NOVA2: variants seen among roughly 807,000 people sequenced by gnomAD.
NOVA2 encodes RNA-binding protein Nova-2.
NOVA2 carries 9 observed loss-of-function variants against 22.5 expected under a neutral mutation model. That is an observed-to-expected ratio of 0.40 (90% CI 0.24 to 0.70). The LOEUF (loss-of-function observed/expected upper bound fraction) is 0.70, where lower values mean the gene tolerates loss of function less well. Among genes scored for constraint, NOVA2 ranks in the 30% least tolerant of loss-of-function variants. The probability of loss-of-function intolerance (pLI) is 0.38; values close to 1 mark genes in which losing one functional copy is unlikely to be tolerated. For missense variants in NOVA2, 383 were observed against 682.8 expected (o/e 0.56, Z 4.89); for synonymous variants, 318 against 335.2 (o/e 0.95, Z 0.56).
intron 3 of NOVA2, among the ~76,000 whole-genome samples, chr19:45,949,739 G>GT (rs558656536): frequency 5.0e-3 from 594 of 119,608 alleles, no homozygotes; most frequent in East Asian, 6.9e-3. Context: ...ATCGTAGGTT[G>GT]TTTTTTTTTT....
rs1448640732 is a variant in NOVA2, at chr19:45,936,646, AG to A, written c.*3216del. 4 of 151,750 alleles carry A rather than the reference AG, an allele frequency of 2.6e-5. No homozygotes were observed. Among genetic ancestry groups the A allele is most frequent in the African/African-American group, 9.7e-5 (4 of 41,246 alleles). The allele number at this position is 151,750 out of a possible 1,614,324, so 9.4% of individuals were successfully genotyped here. A position where few individuals can be genotyped will look rare whatever the true frequency, so the allele number is the denominator to read the frequency against. On this transcript the variant is annotated 3_prime_UTR_variant, in exon 4 of 4. Coordinates refer to ENST00000263257, the MANE Select transcript of NOVA2 (RefSeq NM_002516.4). ...GAGGAAGACAGACAAAGACTAAGATAGAGACAGGACAGAAAACAATGGGAAC... is the reference window on the plus strand; with the variant it reads ...GAGGAAGACAGACAAAGACTAAGATAAGACAGGACAGAAAACAATGGGAAC...
chr19:45,961,611 T>G (rs1287927040), intron 1 of NOVA2, among the ~76,000 whole-genome samples: 1 of 152,114 alleles, frequency 6.6e-6, no homozygotes, highest in Non-Finnish European at 1.5e-5. Context: ...CAGGCTTTAT[T>G]CATCATCACA....
Position 45,964,187 on chromosome 19 carries a change from T to C in NOVA2, c.86-3034A>G, listed in dbSNP as rs534782261. 2.0e-3 allele frequency among the ~76,000 whole-genome samples: 289 copies of C among 147,146 alleles called. 1 individual carries two copies. The highest frequency in any genetic ancestry group is 0.016 in the South Asian group (72 of 4,620). Reference sequence around the variant, plus strand: ...TTTTTCTTTTTCTTTTTCTTTTTTTTTTTTTTTTTTTGAGACAATCTCGCT... The same window carrying C: ...TTTTTCTTTTTCTTTTTCTTTTTTTCTTTTTTTTTTTGAGACAATCTCGCT... On this transcript the variant is annotated intron_variant, in intron 1 of 3. Transcript: ENST00000263257.
intron 3 of NOVA2, among the ~76,000 whole-genome samples, chr19:45,943,591 G>A (rs1967793666): frequency 6.6e-6 from 1 of 151,664 alleles, no homozygotes; most frequent in African/African-American, 2.4e-5. Flanking sequence ...GGTGGCACAT[G>A]CCTGTAGTCC....
chr19:45,973,356 G>A lies in NOVA2; in HGVS notation c.-5C>T. On this transcript the variant is annotated 5_prime_UTR_variant, in exon 1 of 4. Coordinates refer to ENST00000263257, the MANE Select transcript of NOVA2 (RefSeq NM_002516.4). The stretch of plus-strand genomic sequence containing the variant: ...ATCCGGGGCCTCGGGCTCCATGGGG[G>A]GGGCCTGGGGCGGCGGCTGCTGCTG... The A allele has an allele frequency of 1.9e-6, 2 of 1,063,220 alleles. No individual in the cohort carries two copies. Among genetic ancestry groups the A allele is most frequent in the Non-Finnish European group, 2.4e-6 (2 of 832,560 alleles). The allele number at this position is 1,063,220 out of a possible 1,614,324, so 65.9% of individuals were successfully genotyped here.
At position 45,940,022 on chromosome 19, in the gene NOVA2, G is replaced by A; in HGVS notation, c.1320C>T (p.Ile440=). The part of the protein sequence containing the change: ...VEYQELTGAR[I]QISKKGEFLP... ...GGAACTCGCCCTTCTTGGAGATCTG[G>A]ATGCGAGCGCCCGTCAGCTCCTGGT... The change falls in exon 4 of 4, where the codon ATC becomes ATT. Residue 440 remains isoleucine (I), a synonymous_variant. Coordinates refer to ENST00000263257, the MANE Select transcript of NOVA2 (RefSeq NM_002516.4). 3 of 1,614,078 alleles carry A rather than the reference G, an allele frequency of 1.9e-6. No individual in the cohort carries two copies. Among genetic ancestry groups the A allele is most frequent in the Non-Finnish European group, 8.5e-7 (1 of 1,179,964 alleles).
Position 45,940,437 on chromosome 19 carries a change from G to T in NOVA2, c.905C>A (p.Ser302Ter). 6.6e-7 allele frequency: 1 copy of T among 1,510,342 alleles called. No homozygotes were observed. Among genetic ancestry groups the T allele is most frequent in the Non-Finnish European group, 8.9e-7 (1 of 1,128,474 alleles). 93.6% of individuals were successfully genotyped at this position (1,510,342 alleles called of 1,614,324 possible). A position where few individuals can be genotyped will look rare whatever the true frequency, so the allele number is the denominator to read the frequency against. Reference protein sequence around the residue: ...NTNSLGLGLNSAAASGVLAAV... With the variant: ...NTNSLGLGLN Reference sequence around the variant, plus strand: ...GGCCAGGACGCCGGAAGCTGCGGCCGAGTTGAGGCCCAGGCCCAGGGAGTT... The same window carrying T: ...GGCCAGGACGCCGGAAGCTGCGGCCTAGTTGAGGCCCAGGCCCAGGGAGTT... The change falls in exon 4 of 4, where the codon TCG (serine) becomes TAG (stop). Residue 302 changes from serine to a stop codon, truncating the protein, a stop_gained. Coordinates refer to ENST00000263257, the MANE Select transcript of NOVA2 (RefSeq NM_002516.4). LOFTEE classifies it low-confidence loss of function (END_TRUNC).
intron 3 of NOVA2, among the ~76,000 whole-genome samples, chr19:45,945,353 A>C (rs546954032): frequency 6.6e-6 from 1 of 152,330 alleles, no homozygotes; most frequent in Non-Finnish European, 1.5e-5. Context: ...GGCAGTGCAA[A>C]TGTTTGAAAA....
Position 45,936,974 on chromosome 19 carries a change from A to C in NOVA2, c.*2889T>G, listed in dbSNP as rs76010627. On this transcript the variant is annotated 3_prime_UTR_variant, in exon 4 of 4. Transcript: ENST00000263257. Reference sequence around the variant, plus strand: ...GTCCCCTCTGGACAAACTGCAGCACAAAAGATTGAGGTCAGATTGCAGAAG... The same window carrying C: ...GTCCCCTCTGGACAAACTGCAGCACCAAAGATTGAGGTCAGATTGCAGAAG... The C allele has an allele frequency of 6.6e-6, 1 of 152,170 alleles. No individual in the cohort carries two copies. The highest frequency in any genetic ancestry group is 6.5e-5 in the Admixed American group (1 of 15,280). 9.4% of individuals were successfully genotyped at this position (152,170 alleles called of 1,614,324 possible).
At position 45,937,152 on chromosome 19, in the gene NOVA2, G is replaced by A. The variant is rs1481577987; in HGVS notation, c.*2711C>T. 1 of 152,144 alleles carries A rather than the reference G, an allele frequency of 6.6e-6. No individual in the cohort carries two copies. The highest frequency in any genetic ancestry group is 1.5e-5 in the Non-Finnish European group (1 of 68,030). 9.4% of individuals were successfully genotyped at this position (152,144 alleles called of 1,614,324 possible). On this transcript the variant is annotated 3_prime_UTR_variant, in exon 4 of 4. Transcript: ENST00000263257. ...ATCACCCTGGCTGGCTGGGTAGGGG[G>A]TCCCCAAGAAATATGAATAGGGAGG...
At chr19:45,944,919 C>A (rs576305761) in intron 3 of NOVA2, among the ~76,000 whole-genome samples, 2 of 152,218 alleles carry the variant, frequency 1.3e-5, no homozygotes, top group Admixed American at 1.3e-4. Flanking sequence ...ATAGGCAAAT[C>A]TATAGACACA....
chr19:45,961,083 C>T lies in NOVA2; in HGVS notation c.156G>A (p.Gly52=). The change falls in exon 2 of 4, where the codon GGG becomes GGA. Residue 52 remains glycine (G), a synonymous_variant. Coordinates refer to ENST00000263257, the MANE Select transcript of NOVA2 (RefSeq NM_002516.4). ...YAAGSIIGKG[G]QTIVQLQKET... The stretch of plus-strand genomic sequence containing the variant: ...CCTTCTGCAGCTGCACGATGGTCTG[C>T]CCGCCCTTGCCAATGATGGAGCCCG... 6.3e-7 allele frequency: 1 copy of T among 1,589,078 alleles called. No individual in the cohort carries two copies. The highest frequency in any genetic ancestry group is 8.6e-7 in the Non-Finnish European group (1 of 1,167,490).
rs1456301879 is a variant in NOVA2, at chr19:45,938,708, T to G, written c.*1155A>C. Reference sequence around the variant, plus strand: ...TTTTTTCCGTTAGAGTCCTCCAGATTGGATCCAAGTCCCGTGCCTTATTCT... The same window carrying G: ...TTTTTTCCGTTAGAGTCCTCCAGATGGGATCCAAGTCCCGTGCCTTATTCT... On this transcript the variant is annotated 3_prime_UTR_variant, in exon 4 of 4. Coordinates refer to ENST00000263257, the MANE Select transcript of NOVA2 (RefSeq NM_002516.4). The G allele has an allele frequency of 1.3e-5, 2 of 152,206 alleles. No individual in the cohort carries two copies. The highest frequency in any genetic ancestry group is 3.8e-4 in the East Asian group (2 of 5,198). The allele number at this position is 152,206 out of a possible 1,614,324, so 9.4% of individuals were successfully genotyped here.
At chr19:45,960,074 T>C (rs1457388711) in intron 2 of NOVA2, among the ~76,000 whole-genome samples, 1 of 141,480 alleles carries the variant, frequency 7.1e-6, no homozygotes, top group Non-Finnish European at 1.5e-5. Flanking sequence ...GGAGGGGCCT[T>C]GGAAAATGTA....
chr19:45,934,979 AAC>A lies in NOVA2; in HGVS notation c.*4882_*4883del, dbSNP rs1967636267. 6.6e-6 allele frequency: 1 copy of A among 152,074 alleles called. No individual in the cohort carries two copies. The highest frequency in any genetic ancestry group is 1.5e-5 in the Non-Finnish European group (1 of 68,082). 9.4% of individuals were successfully genotyped at this position (152,074 alleles called of 1,614,324 possible). ...CGGACACACAGTTTTCCGTGGGATG[AAC>A]ACAGAAAGGGTTAATCAAAAAGAGT... On this transcript the variant is annotated 3_prime_UTR_variant, in exon 4 of 4. Transcript: ENST00000263257.
Position 45,940,125 on chromosome 19 carries a change from T to C in NOVA2, c.1217A>G (p.Lys406Arg). 1 of 1,612,318 alleles carries C rather than the reference T, an allele frequency of 6.2e-7. No individual in the cohort carries two copies. The highest frequency in any genetic ancestry group is 8.5e-7 in the Non-Finnish European group (1 of 1,179,770). Residue 406 changes from lysine (K) to arginine (R), a missense_variant, in exon 4 of 4, where the codon AAG becomes AGG. Physicochemically the swap from Lys to Arg is conservative, Grantham distance 26. Around this residue, in one of 2 missense-constraint regions of NOVA2, gnomAD observed 349 missense variants for 578.1 expected, o/e 0.60. Coordinates refer to ENST00000263257, the MANE Select transcript of NOVA2 (RefSeq NM_002516.4). ...TAEKLAAESA[K>R]ELVEIAVPEN... ...AGGCACCGCAATCTCCACCAGCTCC[T>C]TGGCACTCTCAGCCGCCAGCTTCTC...
intron 1 of NOVA2, among the ~76,000 whole-genome samples, chr19:45,966,018 C>A (rs1338565112): frequency 1.3e-5 from 2 of 152,094 alleles, no homozygotes; most frequent in Non-Finnish European, 2.9e-5. Context: ...AGCAAGCACC[C>A]TATACGTGGG....
At chr19:45,954,218 G>A (rs967998046) in intron 2 of NOVA2, among the ~76,000 whole-genome samples, 3 of 152,290 alleles carry the variant, frequency 2.0e-5, no homozygotes, top group East Asian at 3.9e-4. Flanking sequence ...GTTTTGCGAT[G>A]CCCACAGCAG....
chr19:45,955,010 C>T (rs1462236412), intron 2 of NOVA2, among the ~76,000 whole-genome samples: 1 of 151,970 alleles, frequency 6.6e-6, no homozygotes, highest in Non-Finnish European at 1.5e-5. Flanking sequence ...TTCGTGCGTG[C>T]CCTTGTGTGT....
Sources: allele counts gnomAD v4.1 joint callset (sites outside exome capture counted in the v4.1 genomes callset), GRCh38; gene constraint gnomAD v4.1.1; regional missense constraint gnomAD v4.1.1; transcripts MANE v1.5; gene names NCBI Gene and HGNC (gene_info 2026-07-23, HGNC 2026-07-21).